Variants in DTNA observed in about 807,000 individuals in gnomAD.
DTNA encodes the protein dystrophin-related protein 3.
DTNA carries 43 observed loss-of-function variants against 100.7 expected under a neutral mutation model. That is an observed-to-expected ratio of 0.43 (90% CI 0.33 to 0.55). The LOEUF is 0.55. Among genes scored for constraint, DTNA ranks in the 20% least tolerant of loss-of-function variants. The probability of loss-of-function intolerance (pLI) is 0.04; values close to 1 mark genes in which losing one functional copy is unlikely to be tolerated. For synonymous variants in DTNA, 349 were observed against 347.9 expected (o/e 1.00, Z -0.04); for missense variants, 798 against 953.9 (o/e 0.84, Z 2.15).
chr18:34,835,293 G>A (rs979977438), intron 11 of DTNA, among the ~76,000 whole-genome samples: 22 of 152,112 alleles, frequency 1.4e-4, no homozygotes, highest in African/African-American at 5.1e-4. Flanking sequence ...GTATGTTCAC[G>A]GTGTAACTCC....
intron 1 of DTNA, among the ~76,000 whole-genome samples, chr18:34,728,691 G>A (rs1392214074): frequency 6.6e-6 from 1 of 152,156 alleles, no homozygotes; most frequent in South Asian, 2.1e-4. Flanking sequence ...CTGTTTCAAG[G>A]CTTTGCTTGT....
intron 1 of DTNA, among the ~76,000 whole-genome samples, chr18:34,501,368 A>G (rs1442876467): frequency 6.6e-6 from 1 of 152,114 alleles, no homozygotes; most frequent in Non-Finnish European, 1.5e-5. Flanking sequence ...TGATTTGCCA[A>G]TATTTTGTTA....
At chr18:34,721,145 T>G (rs929717246) in intron 1 of DTNA, among the ~76,000 whole-genome samples, 1 of 152,182 alleles carries the variant, frequency 6.6e-6, no homozygotes, top group African/African-American at 2.4e-5. Context: ...CTGGGTTTGA[T>G]AGCAAAGCAC....
At chr18:34,850,448 T>G (rs2096459472) in intron 14 of DTNA, among the ~76,000 whole-genome samples, 1 of 152,210 alleles carries the variant, frequency 6.6e-6, no homozygotes, top group Non-Finnish European at 1.5e-5. Context: ...AAATTTCTTG[T>G]TAGCTATATA....
intron 19 of DTNA, among the ~76,000 whole-genome samples, chr18:34,878,146 G>A (rs2096837138): frequency 6.6e-6 from 1 of 151,884 alleles, no homozygotes; most frequent in African/African-American, 2.4e-5. Flanking sequence ...CTAATTTTTT[G>A]TTGTTGTTTT....
chr18:34,831,506 G>A (rs1177852663), intron 11 of DTNA, among the ~76,000 whole-genome samples: 9 of 152,184 alleles, frequency 5.9e-5, no homozygotes, highest in South Asian at 2.1e-4. Context: ...GGTGGCTCAC[G>A]CCTGTAATCC....
At chr18:34,859,757 GC>G (rs1364448131) in intron 16 of DTNA, among the ~76,000 whole-genome samples, 1 of 151,672 alleles carries the variant, frequency 6.6e-6, no homozygotes, top group East Asian at 1.9e-4. Flanking sequence ...ATCAGATTCT[GC>G]CGCTGCATTT....
At chr18:34,834,484 CA>C (rs2096090256) in intron 11 of DTNA, among the ~76,000 whole-genome samples, 1 of 151,152 alleles carries the variant, frequency 6.6e-6, no homozygotes, top group African/African-American at 2.4e-5. Context: ...GCCTGGGCAA[CA>C]AGAGTGAAAC....
intron 1 of DTNA, chr18:34,737,823 T>C (rs1216381635): frequency 6.6e-6 from 1 of 152,186 alleles, no homozygotes; most frequent in Non-Finnish European, 1.5e-5. Flanking sequence ...TCACTCATTT[T>C]AGGCACAAGT....
chr18:34,722,373 A>C (rs1241795158), intron 1 of DTNA, among the ~76,000 whole-genome samples: 1 of 152,140 alleles, frequency 6.6e-6, no homozygotes, highest in East Asian at 1.9e-4. Context: ...GCATAGCAAC[A>C]GGAAAGATTA....
intron 1 of DTNA, among the ~76,000 whole-genome samples, chr18:34,688,231 T>TA (rs2079192807): frequency 1.3e-5 from 2 of 152,210 alleles, no homozygotes; most frequent in Admixed American, 6.5e-5. Flanking sequence ...AGTTTCTTCA[T>TA]AGTGTGGATG....
At chr18:34,596,197 T>C (rs1468342489) in intron 1 of DTNA, among the ~76,000 whole-genome samples, 2 of 152,136 alleles carry the variant, frequency 1.3e-5, no homozygotes, top group Non-Finnish European at 2.9e-5. Flanking sequence ...CTTTGCTGTT[T>C]TTTGTTTGGT....
chr18:34,642,712 C>G (rs1400049845), intron 1 of DTNA, among the ~76,000 whole-genome samples: 8 of 152,068 alleles, frequency 5.3e-5, no homozygotes, highest in Admixed American at 1.3e-4. Context: ...TCACGCACCA[C>G]CACGCCCAGC....
chr18:34,714,989 T>C (rs1428373809), intron 1 of DTNA, among the ~76,000 whole-genome samples: 1 of 143,248 alleles, frequency 7.0e-6, no homozygotes, highest in Non-Finnish European at 1.5e-5. Flanking sequence ...TTCTCACTCA[T>C]AGGTGGGAAT....
intron 17 of DTNA, among the ~76,000 whole-genome samples, chr18:34,874,160 A>C (rs576681148): frequency 6.6e-6 from 1 of 152,242 alleles, no homozygotes; most frequent in East Asian, 1.9e-4. Context: ...CAAATATCTA[A>C]ATGGAATATT....
At chr18:34,556,466 C>G (rs991395924) in intron 1 of DTNA, among the ~76,000 whole-genome samples, 2 of 151,080 alleles carry the variant, frequency 1.3e-5, no homozygotes. Flanking sequence ...TTCCTAGTCT[C>G]GATGGTCTTT....
rs191161299 is a variant in DTNA at position 34,790,539 on chromosome 18, A to G, written c.149-3498A>G. Among the ~76,000 whole-genome samples, 570 of 139,266 alleles carry G rather than the reference A, an allele frequency of 4.1e-3. 42 individuals carry two copies. Among genetic ancestry groups the G allele is most frequent in the Middle Eastern group, 0.036 (10 of 276 alleles). 91.4% of individuals were successfully genotyped at this position (139,266 alleles called of 152,430 possible). A position where few individuals can be genotyped will look rare whatever the true frequency, so the allele number is the denominator to read the frequency against. ...TAATGGGAAGTTATTAAAGGACTTT[A>G]AGCAGCATACTATATATATATATAT... On this transcript the variant is annotated intron_variant, in intron 3 of 22. Transcript: ENST00000444659.
At chr18:34,699,418 A>G (rs2081065820) in intron 1 of DTNA, among the ~76,000 whole-genome samples, 1 of 152,222 alleles carries the variant, frequency 6.6e-6, no homozygotes, top group Non-Finnish European at 1.5e-5. Flanking sequence ...AGATTGGATT[A>G]GGCCCACTCA....
At chr18:34,525,755 C>T (rs1296325004) in intron 1 of DTNA, among the ~76,000 whole-genome samples, 1 of 152,024 alleles carries the variant, frequency 6.6e-6, no homozygotes, top group Non-Finnish European at 1.5e-5. Context: ...TCCAGGAATC[C>T]AAAGAGAATG....
Sources: allele counts gnomAD v4.1 joint callset (sites outside exome capture counted in the v4.1 genomes callset), GRCh38; gene constraint gnomAD v4.1.1; transcripts MANE v1.5; gene names NCBI Gene and HGNC (gene_info 2026-07-23, HGNC 2026-07-21).